Variants in GREB1 observed in about 807,000 individuals in gnomAD.
The protein encoded by GREB1 is growth regulating estrogen receptor binding 1.
GREB1 carries 106 observed loss-of-function variants against 200.7 expected under a neutral mutation model. The observed-to-expected ratio is 0.53, with a 90% CI of 0.45 to 0.62. The LOEUF (loss-of-function observed/expected upper bound fraction) is 0.62, where lower values mean the gene tolerates loss of function less well. Among genes scored for constraint, GREB1 ranks in the 20% least tolerant of loss-of-function variants. The pLI is 0.00. For missense variants in GREB1, 2,243 were observed against 2,556.8 expected (o/e 0.88, Z 2.65); for synonymous variants, 1,132 against 1,092.4 (o/e 1.04, Z -0.72).
At chr2:11,497,971 CTTTTTTTTTTTTTTTTTTTTTTTTTTTT>C (rs70955803) in intron 1 of GREB1, among the ~76,000 whole-genome samples, 2 of 40,600 alleles carry the variant, frequency 4.9e-5, no homozygotes, top group Non-Finnish European at 9.0e-5. Context: ...CAGAGCAAAA[CTTTTTTTTTTTTTTTTTTTTTTTTTTTT>C]TTTTTTTTTT....
Position 11,633,078 on chromosome 2 carries a change from G to A in GREB1, c.4991+15G>A, listed in dbSNP as rs1558668004. ...GAGAGAAGCAGGTGAGGTAACCTGA[G>A]AGCACCACCTCCTGCCACCCTACGA... On this transcript the variant is annotated intron_variant, in intron 28 of 32. Coordinates refer to ENST00000381486, the MANE Select transcript of GREB1 (RefSeq NM_014668.4). The surrounding 1 kb of genome is among the most constrained non-coding windows in gnomAD (Gnocchi z 4.1). 6.2e-7 allele frequency: 1 copy of A among 1,612,566 alleles called. No homozygotes were observed. The highest frequency in any genetic ancestry group is 2.2e-5 in the East Asian group (1 of 44,842).
In GREB1 at chr2:11,629,237, G is replaced by A. The variant is rs1421374676; in HGVS notation, c.4450-711G>A. On this transcript the variant is annotated intron_variant, in intron 25 of 32. Coordinates refer to ENST00000381486, the MANE Select transcript of GREB1 (RefSeq NM_014668.4). This position sits in a 1 kb window ranked among gnomAD's most constrained non-coding sequence, Gnocchi z 5.2. ...ATGTCAGTAGGAAGGGCCGTGGGTC[G>A]GTGGGGTCGTAAGAGGACGTTCAAG... 2.0e-5 allele frequency among the ~76,000 whole-genome samples: 3 copies of A among 152,192 alleles called. No homozygotes were observed. Among genetic ancestry groups the A allele is most frequent in the East Asian group, 3.9e-4 (2 of 5,142 alleles).
At chr2:11,562,831 C>A in intron 3 of GREB1, 1 of 367,018 alleles carries the variant, frequency 2.7e-6, no homozygotes, top group Non-Finnish European at 4.9e-6. Flanking sequence ...ACTCTTTGGA[C>A]AGTCTCAACT....
intron 1 of GREB1, among the ~76,000 whole-genome samples, chr2:11,521,427 A>G (rs150070149): frequency 2.8e-4 from 42 of 152,270 alleles, no homozygotes; most frequent in African/African-American, 1.0e-3. Flanking sequence ...TTTTCTTAGA[A>G]CAGAAGTGAT....
intron 29 of GREB1, 70 bp downstream of exon 29, chr2:11,634,419 T>C: frequency 1.6e-6 from 2 of 1,275,202 alleles, no homozygotes; most frequent in Non-Finnish European, 2.2e-6. Flanking sequence ...GAGGGCAGCC[T>C]GGGGCTGCAG....
At chr2:11,602,342 C>A (rs1303159664) in intron 16 of GREB1, 64 bp from the exon 17 acceptor site, 2 of 1,515,722 alleles carry the variant, frequency 1.3e-6, no homozygotes, top group East Asian at 2.3e-5. Flanking sequence ...AGGCCTGGCA[C>A]ACGAACCTCT....
At chr2:11,586,960 G>A (rs368345315) in intron 9 of GREB1, among the ~76,000 whole-genome samples, 2 of 152,080 alleles carry the variant, frequency 1.3e-5, no homozygotes, top group East Asian at 1.9e-4. Context: ...CGAAGACCAC[G>A]GTGCTCAGGA....
intron 10 of GREB1, chr2:11,591,514 C>G (rs2148175599): frequency 1.4e-6 from 1 of 707,246 alleles, no homozygotes; most frequent in South Asian, 1.5e-5. Flanking sequence ...ATGCAAATCA[C>G]AAATCAAGTC....
chr2:11,598,949 C>T, intron 15 of GREB1, 89 bp downstream of exon 15: 2 of 1,076,734 alleles, frequency 1.9e-6, no homozygotes, highest in Admixed American at 1.8e-5. Flanking sequence ...GGTACAAATC[C>T]TGAAAAGATG....
intron 4 of GREB1, among the ~76,000 whole-genome samples, chr2:11,568,689 A>G (rs1366591881): frequency 6.6e-6 from 1 of 152,204 alleles, no homozygotes; most frequent in Non-Finnish European, 1.5e-5. Context: ...AGGGTAGTAA[A>G]TCAAGGAGGC....
chr2:11,623,682 G>C (rs934318348), intron 23 of GREB1, among the ~76,000 whole-genome samples: 4 of 152,204 alleles, frequency 2.6e-5, no homozygotes, highest in African/African-American at 9.7e-5. Context: ...TTTGAGGCCA[G>C]GAGTTTGAGA....
At chr2:11,556,962 G>T (rs1005798889) in intron 2 of GREB1, among the ~76,000 whole-genome samples, 191 bp downstream of exon 2, 15 of 152,194 alleles carry the variant, frequency 9.9e-5, no homozygotes, top group Non-Finnish European at 1.2e-4. Flanking sequence ...CCATAAAATT[G>T]CAAGAAGTAA....
At chr2:11,568,426 AT>A (rs1051595924) in intron 4 of GREB1, among the ~76,000 whole-genome samples, 1 of 152,208 alleles carries the variant, frequency 6.6e-6, no homozygotes, top group African/African-American at 2.4e-5. Flanking sequence ...GAGAGAAAAC[AT>A]TTTGGCCAAC....
At chr2:11,609,413 C>T (rs1223686537) in intron 17 of GREB1, among the ~76,000 whole-genome samples, 3 of 152,062 alleles carry the variant, frequency 2.0e-5, no homozygotes, top group African/African-American at 4.8e-5. Context: ...GGATTACAGG[C>T]GTGTGCCACC....
At chr2:11,578,476 G>A (rs1331378323) in intron 6 of GREB1, 45 bp downstream of exon 6, 2 of 1,596,862 alleles carry the variant, frequency 1.3e-6, no homozygotes, top group South Asian at 1.1e-5. Context: ...CCACAGAGCT[G>A]GCACTGTCTC....
chr2:11,601,485 G>A (rs907874937), intron 16 of GREB1, among the ~76,000 whole-genome samples: 10 of 152,126 alleles, frequency 6.6e-5, no homozygotes, highest in African/African-American at 2.4e-4. Context: ...CTTATCACCT[G>A]ACATTTTCTC....
chr2:11,579,384 C>T (rs907491688), intron 6 of GREB1, among the ~76,000 whole-genome samples: 3 of 152,252 alleles, frequency 2.0e-5, no homozygotes, highest in African/African-American at 7.2e-5. Context: ...ACCTCCATTT[C>T]CTCATCTGTA....
intron 27 of GREB1, among the ~76,000 whole-genome samples, chr2:11,632,683 AT>A (rs2148428952): frequency 6.6e-6 from 1 of 152,254 alleles, no homozygotes; most frequent in East Asian, 1.9e-4. Flanking sequence ...AAGAAAGCAA[AT>A]TTGTGTTCCA....
At chr2:11,590,032 G>A (rs1158771002) in intron 10 of GREB1, among the ~76,000 whole-genome samples, 1 of 152,168 alleles carries the variant, frequency 6.6e-6, no homozygotes, top group Non-Finnish European at 1.5e-5. Context: ...CGTGAGACCA[G>A]CTGCGGGTGG....
Sources: allele counts gnomAD v4.1 joint callset (sites outside exome capture counted in the v4.1 genomes callset), GRCh38; gene constraint gnomAD v4.1.1; non-coding constraint Gnocchi (gnomAD v3.1); transcripts MANE v1.5; gene names NCBI Gene and HGNC (gene_info 2026-07-23, HGNC 2026-07-21).